OCA2: variants seen among roughly 807,000 people sequenced by gnomAD.
OCA2 encodes OCA2 melanosomal transmembrane protein.
A neutral mutation model predicts 100.2 loss-of-function variants in OCA2; 77 were observed. That is an observed-to-expected ratio of 0.77 (90% CI 0.64 to 0.93). The LOEUF (loss-of-function observed/expected upper bound fraction) is 0.93, where lower values mean the gene tolerates loss of function less well. Ranked by LOEUF, OCA2 falls within the 40% of genes least tolerant of loss-of-function variation. The pLI is 0.00. For synonymous variants in OCA2, 432 were observed against 439.2 expected, an observed-to-expected ratio of 0.98 and a Z score of 0.21; for missense variants, 1,062 against 1,089.1, an observed-to-expected ratio of 0.98 and a Z score of 0.35.
At chr15:27,807,383 C>T (rs1484124803) in intron 23 of OCA2, among the ~76,000 whole-genome samples, 1 of 152,186 alleles carries the variant, frequency 6.6e-6, no homozygotes, top group Non-Finnish European at 1.5e-5. Flanking sequence ...GTGCTGTGAC[C>T]AGTCACTGGT....
At chr15:27,919,505 GA>G (rs2038784782) in intron 19 of OCA2, among the ~76,000 whole-genome samples, 1 of 152,126 alleles carries the variant, frequency 6.6e-6, no homozygotes, top group Non-Finnish European at 1.5e-5. Context: ...ATTACTAAAT[GA>G]AAGAGGCCAA....
chr15:28,018,984 T>C (rs2042498522), intron 6 of OCA2, among the ~76,000 whole-genome samples: 1 of 152,192 alleles, frequency 6.6e-6, no homozygotes, highest in South Asian at 2.1e-4. Flanking sequence ...CTCAGCTGTT[T>C]CTTGTCAAGC....
intron 9 of OCA2, among the ~76,000 whole-genome samples, chr15:28,007,294 A>G (rs2042116329): frequency 6.6e-6 from 1 of 152,224 alleles, no homozygotes; most frequent in South Asian, 2.1e-4. Context: ...ATACAGTATA[A>G]GGGCATAGAA....
rs750880304 is a variant in OCA2 at position 27,894,538 on chromosome 15, G to A, written c.2080-22616C>T. Among the ~76,000 whole-genome samples, 5 of 152,302 alleles carry A rather than the reference G, an allele frequency of 3.3e-5. No homozygotes were observed. The South Asian group carries it at 6.2e-4, about 19-fold the overall frequency. ...TTGATGTCTCTAAGCTAAACCTGGT[G>A]ACCTTTTCGAAGGAAAGAAAAGAGT... On this transcript the variant is annotated intron_variant, in intron 19 of 23. Transcript: ENST00000354638.
At chr15:28,053,317 G>A (rs1404615529) in intron 2 of OCA2, among the ~76,000 whole-genome samples, 1 of 152,164 alleles carries the variant, frequency 6.6e-6, no homozygotes, top group African/African-American at 2.4e-5. Flanking sequence ...ACCTGGGAAG[G>A]AAGATGCCTC....
chr15:27,844,317 G>A (rs1211245141), intron 23 of OCA2, among the ~76,000 whole-genome samples: 1 of 152,098 alleles, frequency 6.6e-6, no homozygotes, highest in African/African-American at 2.4e-5. Context: ...GCAACATTAC[G>A]GGGTCTTTGC....
chr15:28,043,524 C>T lies in OCA2; in HGVS notation c.228-11361G>A, dbSNP rs2043264632. Among the ~76,000 whole-genome samples, 1 of 152,208 alleles carries T rather than the reference C, an allele frequency of 6.6e-6. No individual in the cohort carries two copies. The highest frequency in any genetic ancestry group is 1.5e-5 in the Non-Finnish European group (1 of 68,042). The stretch of plus-strand genomic sequence containing the variant: ...CGATCCTTGGGCTTAAGTAATTCCT[C>T]AGACATAAGGATGCAATCCTTCCTT... On this transcript the variant is annotated intron_variant, in intron 2 of 23. Coordinates refer to ENST00000354638, the MANE Select transcript of OCA2 (RefSeq NM_000275.3). This position sits in a 1 kb window ranked among gnomAD's most constrained non-coding sequence, Gnocchi z 4.4.
chr15:27,836,370 G>A (rs1567007599), intron 23 of OCA2, among the ~76,000 whole-genome samples: 3 of 151,962 alleles, frequency 2.0e-5, no homozygotes, highest in Admixed American at 1.3e-4. Context: ...AAGAAAAATA[G>A]CCTGTTTTTC....
chr15:27,791,998 G>A (rs1021852105), intron 23 of OCA2, among the ~76,000 whole-genome samples: 6 of 152,156 alleles, frequency 3.9e-5, no homozygotes, highest in Non-Finnish European at 2.9e-5. Flanking sequence ...CCCAAGGAGG[G>A]GAGGAGCCCA....
chr15:27,742,678 C>G, the OCA2 span, among the ~76,000 whole-genome samples: 1 of 152,184 alleles, frequency 6.6e-6, no homozygotes, highest in Non-Finnish European at 1.5e-5. Context: ...CAGCTTGAAC[C>G]TAACCGGCTA....
At chr15:27,866,196 G>A (rs1314848404) in intron 21 of OCA2, among the ~76,000 whole-genome samples, 1 of 152,218 alleles carries the variant, frequency 6.6e-6, no homozygotes, top group Non-Finnish European at 1.5e-5. Context: ...GCTATAGGTT[G>A]GTGTGGCTGG....
intron 2 of OCA2, among the ~76,000 whole-genome samples, chr15:28,066,541 A>T (rs1401213300): frequency 6.6e-6 from 1 of 152,174 alleles, no homozygotes; most frequent in Non-Finnish European, 1.5e-5. Context: ...TAGCAATAAG[A>T]TACCAAATTC....
chr15:27,732,904 G>A, the OCA2 span, among the ~76,000 whole-genome samples: 4 of 152,180 alleles, frequency 2.6e-5, no homozygotes, highest in Admixed American at 2.6e-4. Flanking sequence ...CAATTTGATT[G>A]CCATTTATAT....
At chr15:27,820,624 C>T (rs75545783) in intron 23 of OCA2, among the ~76,000 whole-genome samples, 9,620 of 152,110 alleles carry the variant, frequency 0.063, 415 homozygotes, top group South Asian at 0.14. Flanking sequence ...GTGGGGTCCC[C>T]GATGGGGTCC....
chr15:27,900,087 G>T (rs189691830), intron 19 of OCA2, among the ~76,000 whole-genome samples: 3 of 152,242 alleles, frequency 2.0e-5, no homozygotes, highest in Non-Finnish European at 4.4e-5. Context: ...CATGGTGACC[G>T]TGCAGTCAAC....
At chr15:27,770,913 TCCTCCCTCCC>T (rs2031752350) in intron 23 of OCA2, among the ~76,000 whole-genome samples, 1 of 29,826 alleles carries the variant, frequency 3.4e-5, no homozygotes, top group Non-Finnish European at 7.6e-5. Context: ...CTTCCTTCCC[TCCTCCCTCCC>T]TCTTTTCCTT....
chr15:28,034,962 G>A (rs1435846213), intron 2 of OCA2, among the ~76,000 whole-genome samples: 8 of 152,154 alleles, frequency 5.3e-5, no homozygotes, highest in African/African-American at 1.7e-4. Flanking sequence ...AGGAGAGGGA[G>A]AGTGCTCAGG....
Position 27,998,611 on chromosome 15 carries a change from CT to C in OCA2, c.1045-7965del, listed in dbSNP as rs1196399266. ...TTTACACTGTTGGTGGGACTGTAAACTAGTTCAACCATTGTGGAAGTCAGTG... is the reference window on the plus strand; with the variant it reads ...TTTACACTGTTGGTGGGACTGTAAACAGTTCAACCATTGTGGAAGTCAGTG... On this transcript the variant is annotated intron_variant, in intron 9 of 23. Transcript: ENST00000354638. Among the ~76,000 whole-genome samples, 27 of 143,460 alleles carry C rather than the reference CT, an allele frequency of 1.9e-4. No homozygotes were observed. In the South Asian group the frequency reaches 6.0e-3, roughly 32 times the overall value. The allele number at this position is 143,460 out of a possible 152,430, so 94.1% of individuals were successfully genotyped here.
chr15:28,074,831 C>T (rs1318843886), intron 2 of OCA2, among the ~76,000 whole-genome samples: 2 of 152,142 alleles, frequency 1.3e-5, no homozygotes, highest in African/African-American at 4.8e-5. Context: ...GGGCACAGAG[C>T]GAGACTCCGT....
Sources: gnomAD v4.1 joint callset for allele counts (sites outside exome capture counted in the v4.1 genomes callset) on GRCh38, gnomAD v4.1.1 for gene constraint, Gnocchi (gnomAD v3.1) non-coding constraint, MANE v1.5 for transcripts, NCBI Gene and HGNC (gene_info 2026-07-23, HGNC 2026-07-21) for gene names.